Variants in ATXN1 observed in about 807,000 individuals in gnomAD.
ATXN1 encodes the protein ataxin 1.
Under a neutral mutation model 56.4 loss-of-function variants are expected in ATXN1, and 8 were observed. That is an observed-to-expected ratio of 0.14 (90% CI 0.08 to 0.26). ATXN1 has a LOEUF of 0.26. ATXN1 is among the 10% of genes least tolerant of loss of function. The probability of loss-of-function intolerance (pLI) is 1.00; values close to 1 mark genes in which losing one functional copy is unlikely to be tolerated. For missense variants in ATXN1, 987 were observed against 1,106.5 expected, an observed-to-expected ratio of 0.89 and a Z score of 1.53; for synonymous variants, 514 against 494.6, an observed-to-expected ratio of 1.04 and a Z score of -0.52.
At chr6:16,427,660 C>T (rs1759185799) in intron 6 of ATXN1, among the ~76,000 whole-genome samples, 1 of 152,212 alleles carries the variant, frequency 6.6e-6, no homozygotes, top group African/African-American at 2.4e-5. Flanking sequence ...CCTCAACTGC[C>T]TCCAGCGTTT....
In ATXN1 at chr6:16,445,999, T is replaced by C. The variant is rs566273976; in HGVS notation, c.-161+39973A>G. Among the ~76,000 whole-genome samples the C allele has an allele frequency of 3.3e-5, 5 of 152,272 alleles. No individual in the cohort carries two copies. In the East Asian group the frequency reaches 9.7e-4, roughly 29 times the overall value. On this transcript the variant is annotated intron_variant, in intron 6 of 7. Coordinates refer to ENST00000436367, the MANE Select transcript of ATXN1 (RefSeq NM_001128164.2). ...CCATAAACATACATGTGCATGTGTC[T>C]TTATTGCAGCATGATTTATAGTCCT... is the stretch of plus-strand genomic sequence containing the variant.
chr6:16,723,486 A>G (rs1759786692), intron 2 of ATXN1, among the ~76,000 whole-genome samples: 1 of 152,196 alleles, frequency 6.6e-6, no homozygotes. Context: ...CTCAAGTACA[A>G]TCTTTTATAG....
At chr6:16,616,061 AT>A (rs143725487) in intron 3 of ATXN1, 7,818 of 151,934 alleles carry the variant, frequency 0.051, 208 homozygotes, top group South Asian at 0.075. Flanking sequence ...AAATTCAGGA[AT>A]AAAGTCAAGT....
At chr6:16,563,769 G>T (rs894310173) in intron 4 of ATXN1, among the ~76,000 whole-genome samples, 1 of 151,942 alleles carries the variant, frequency 6.6e-6, no homozygotes, top group South Asian at 2.1e-4. Flanking sequence ...AGAGAGAAGG[G>T]TCAGGTTAAA....
chr6:16,429,604 G>A (rs1480398238), intron 6 of ATXN1, among the ~76,000 whole-genome samples: 1 of 152,000 alleles, frequency 6.6e-6, no homozygotes, highest in Non-Finnish European at 1.5e-5. Context: ...TTTTAGTAGA[G>A]ATAGGGTTTT....
chr6:16,734,815 A>C (rs1760075652), intron 2 of ATXN1, among the ~76,000 whole-genome samples: 1 of 152,130 alleles, frequency 6.6e-6, no homozygotes, highest in Admixed American at 6.6e-5. Context: ...TTAAAACGTC[A>C]TGTTTCTATA....
chr6:16,750,966 CTCT>C (rs920776727), intron 2 of ATXN1, among the ~76,000 whole-genome samples: 7 of 148,662 alleles, frequency 4.7e-5, no homozygotes, highest in African/African-American at 1.5e-4. Flanking sequence ...TTTCTTTCCT[CTCT>C]TTTTTTTTTT....
At chr6:16,592,013 G>C (rs1762731679) in intron 3 of ATXN1, among the ~76,000 whole-genome samples, 1 of 151,940 alleles carries the variant, frequency 6.6e-6, no homozygotes, top group Non-Finnish European at 1.5e-5. Flanking sequence ...ATTCCCCAGG[G>C]GCCCCTGGGT....
chr6:16,539,323 A>T (rs1300268531), intron 4 of ATXN1, among the ~76,000 whole-genome samples: 1 of 152,118 alleles, frequency 6.6e-6, no homozygotes, highest in Non-Finnish European at 1.5e-5. Context: ...CCACTGCTGA[A>T]TTTTTTAAAA....
chr6:16,578,099 C>A (rs772400570), intron 4 of ATXN1, among the ~76,000 whole-genome samples: 2 of 152,144 alleles, frequency 1.3e-5, no homozygotes, highest in Non-Finnish European at 2.9e-5. Flanking sequence ...ATAGTAGACT[C>A]TATAAATTCT....
At chr6:16,687,291 G>A (rs1222464286) in intron 2 of ATXN1, among the ~76,000 whole-genome samples, 5 of 152,098 alleles carry the variant, frequency 3.3e-5, no homozygotes, top group Admixed American at 6.6e-5. Context: ...TATATATCGG[G>A]TGATGACAAG....
rs532346722 is a variant in ATXN1, at chr6:16,582,312, T to A, written c.-361+3468A>T. Among the ~76,000 whole-genome samples the A allele has an allele frequency of 4.6e-5, 7 of 152,312 alleles. No homozygotes were observed. In the South Asian group the frequency reaches 1.4e-3, roughly 32 times the overall value. ...TCTCCCTGAGAACTGTAAACTCCAT[T>A]AGGGCCAGTCTTTTGTCAATCTTGT... On this transcript the variant is annotated intron_variant, in intron 4 of 7. Coordinates refer to ENST00000436367, the MANE Select transcript of ATXN1 (RefSeq NM_001128164.2).
chr6:16,393,159 CAT>C (rs764166543), intron 6 of ATXN1, among the ~76,000 whole-genome samples: 48 of 152,336 alleles, frequency 3.2e-4, no homozygotes, highest in East Asian at 1.5e-3. Flanking sequence ...TAACAGATCA[CAT>C]GTTTCACCCA....
chr6:16,668,112 C>T (rs550289188), intron 2 of ATXN1, among the ~76,000 whole-genome samples: 1 of 152,136 alleles, frequency 6.6e-6, no homozygotes, highest in African/African-American at 2.4e-5. Context: ...GTGCCAGATA[C>T]AAAATATCAT....
chr6:16,330,940 A>C (rs1760973817), intron 6 of ATXN1, among the ~76,000 whole-genome samples: 1 of 152,178 alleles, frequency 6.6e-6, no homozygotes, highest in South Asian at 2.1e-4. Context: ...AAAAACCCTA[A>C]AACACTTATG....
intron 7 of ATXN1, among the ~76,000 whole-genome samples, chr6:16,324,438 A>G (rs1025030046): frequency 2.5e-4 from 37 of 149,380 alleles, no homozygotes; most frequent in Admixed American, 6.6e-4. Context: ...GAGACAAGAA[A>G]CACTGTCTCA....
intron 6 of ATXN1, among the ~76,000 whole-genome samples, chr6:16,354,158 T>C (rs957963661): frequency 1.3e-5 from 2 of 152,194 alleles, no homozygotes; most frequent in Admixed American, 1.3e-4. Context: ...ATCAGTGCAG[T>C]GGACCCTCAG....
chr6:16,747,571 G>C (rs1760574877), intron 2 of ATXN1, among the ~76,000 whole-genome samples: 1 of 151,928 alleles, frequency 6.6e-6, no homozygotes, highest in Admixed American at 6.6e-5. Context: ...GTAGGCTGAA[G>C]CTGCCAGGCT....
chr6:16,508,900 T>C (rs955983477), intron 5 of ATXN1, among the ~76,000 whole-genome samples: 1 of 152,088 alleles, frequency 6.6e-6, no homozygotes, highest in African/African-American at 2.4e-5. Flanking sequence ...ATAAACAAAA[T>C]GTGATATATA....
Sources: gnomAD v4.1 joint callset for allele counts (sites outside exome capture counted in the v4.1 genomes callset) on GRCh38, gnomAD v4.1.1 for gene constraint, MANE v1.5 for transcripts, NCBI Gene and HGNC (gene_info 2026-07-23, HGNC 2026-07-21) for gene names.